The following TTC6 variants were observed in gnomAD, a reference collection of about 807,000 sequenced individuals.
The protein encoded by TTC6 is tetratricopeptide repeat protein 6.
A neutral mutation model predicts 210.4 loss-of-function variants in TTC6; 172 were observed. The observed-to-expected ratio is 0.82, with a 90% CI of 0.72 to 0.93. The LOEUF (loss-of-function observed/expected upper bound fraction) is 0.93, where lower values mean the gene tolerates loss of function less well. Ranked by LOEUF, TTC6 falls within the 40% of genes least tolerant of loss-of-function variation. The probability of loss-of-function intolerance (pLI) is 0.00; values close to 1 mark genes in which losing one functional copy is unlikely to be tolerated. For missense variants in TTC6, 2,414 were observed against 2,318.1 expected (o/e 1.04, Z -0.85); for synonymous variants, 804 against 819.6 (o/e 0.98, Z 0.32).
intron 5 of TTC6, among the ~76,000 whole-genome samples, chr14:37,714,068 G>A (rs2095848694): frequency 6.6e-6 from 1 of 152,098 alleles, no homozygotes; most frequent in Non-Finnish European, 1.5e-5. Context: ...CCAGTCTGTA[G>A]GTCAGTAATT....
intron 1 of TTC6, among the ~76,000 whole-genome samples, chr14:37,677,588 G>A (rs1221930184): frequency 6.6e-6 from 1 of 151,990 alleles, no homozygotes; most frequent in East Asian, 1.9e-4. Flanking sequence ...ATTGAACTTA[G>A]GGGGTTTGTA....
chr14:37,704,205 A>G (rs1403124628), intron 5 of TTC6, among the ~76,000 whole-genome samples: 1 of 152,068 alleles, frequency 6.6e-6, no homozygotes, highest in East Asian at 1.9e-4. Flanking sequence ...CAGCCTCCTG[A>G]GTAGCACTAG....
At chr14:37,610,568 A>G (rs979941870) in intron 2 of TTC6, among the ~76,000 whole-genome samples, 10 of 152,236 alleles carry the variant, frequency 6.6e-5, no homozygotes, top group African/African-American at 2.4e-4. Context: ...ATATTACACA[A>G]GAAAATGAAC....
intron 27 of TTC6, 99 bp from the exon 30 acceptor site, chr14:37,826,096 A>G: frequency 8.0e-7 from 1 of 1,257,126 alleles, no homozygotes; most frequent in Non-Finnish European, 1.1e-6. Flanking sequence ...TGGCATAAAT[A>G]TACCCTTACT....
At chr14:37,779,450 A>G (rs748954124) in intron 14 of TTC6, among the ~76,000 whole-genome samples, 9 of 152,042 alleles carry the variant, frequency 5.9e-5, no homozygotes, top group Non-Finnish European at 1.3e-4. Flanking sequence ...TAAAAATAGT[A>G]CTGCATTTTC....
intron 1 of TTC6, among the ~76,000 whole-genome samples, chr14:37,658,189 T>C (rs1025134262): frequency 6.6e-6 from 1 of 152,254 alleles, no homozygotes; most frequent in Non-Finnish European, 1.5e-5. Context: ...TTCTCACTTA[T>C]GAAATATTCT....
intron 1 of TTC6, among the ~76,000 whole-genome samples, chr14:37,667,908 G>A (rs1231605631): frequency 6.6e-6 from 1 of 150,446 alleles, no homozygotes; most frequent in Non-Finnish European, 1.5e-5. Context: ...GAGGCTGAGC[G>A]GGTGGATCAT....
intron 1 of TTC6, among the ~76,000 whole-genome samples, chr14:37,651,429 T>A (rs56111089): frequency 0.027 from 679 of 25,484 alleles, no homozygotes; most frequent in South Asian, 0.055. Context: ...ATATATATTT[T>A]TTTTTTTTTT....
At chr14:37,771,117 T>C (rs2096016929) in intron 14 of TTC6, among the ~76,000 whole-genome samples, 1 of 151,728 alleles carries the variant, frequency 6.6e-6, no homozygotes, top group African/African-American at 2.4e-5. Flanking sequence ...TCTTTAAGAA[T>C]GTTGAATATT....
Position 37,705,841 on chromosome 14 carries a change from T to G in TTC6, c.1571+4315T>G, listed in dbSNP as rs575308793. 2.8e-4 allele frequency among the ~76,000 whole-genome samples: 42 copies of G among 152,280 alleles called. 2 individuals carry two copies. The South Asian group carries it at 8.3e-3, about 30-fold the overall frequency. ...GAGGATTGATACCTAAATTGAAACC[T>G]GAAAGATGGATAGAAGATAGGAAGG... On this transcript the variant is annotated intron_variant, in intron 5 of 30. Transcript: ENST00000553443.
chr14:37,660,463 C>T (rs117035981), intron 1 of TTC6, among the ~76,000 whole-genome samples: 8,446 of 152,240 alleles, frequency 0.055, 361 homozygotes, highest in Non-Finnish European at 0.087. Flanking sequence ...CTTCCACTTA[C>T]AACTGAGAAT....
Position 37,669,595 on chromosome 14 carries a change from C to CA in TTC6, c.940-10554dup, listed in dbSNP as rs200030160. Among the ~76,000 whole-genome samples, 546 of 152,238 alleles carry CA rather than the reference C, an allele frequency of 3.6e-3. 4 individuals are homozygous for CA. Among genetic ancestry groups the CA allele is most frequent in the African/African-American group, 0.013 (525 of 41,554 alleles). On this transcript the variant is annotated intron_variant, in intron 1 of 30. Transcript: ENST00000553443. ...GTATTATTGTTATTTATCTACACAT[C>CA]AATATATATGTTCATCTAGGCTGTG...
chr14:37,704,199 C>T (rs2095830935), intron 5 of TTC6, among the ~76,000 whole-genome samples: 1 of 152,102 alleles, frequency 6.6e-6, no homozygotes, highest in South Asian at 2.1e-4. Flanking sequence ...CCACTTCAGC[C>T]TCCTGAGTAG....
At chr14:37,736,836 C>T (rs1176033704) in intron 8 of TTC6, among the ~76,000 whole-genome samples, 1 of 152,092 alleles carries the variant, frequency 6.6e-6, no homozygotes, top group African/African-American at 2.4e-5. Context: ...CTTACTGCAG[C>T]CTGGACCTCC....
chr14:37,681,637 C>T (rs1453733648), intron 2 of TTC6, among the ~76,000 whole-genome samples: 2 of 152,052 alleles, frequency 1.3e-5, no homozygotes, highest in Admixed American at 6.6e-5. Flanking sequence ...TCCATCCCCC[C>T]TGCCCTCAGA....
At chr14:37,668,043 G>A (rs1000103445) in intron 1 of TTC6, among the ~76,000 whole-genome samples, 5 of 149,994 alleles carry the variant, frequency 3.3e-5, no homozygotes, top group African/African-American at 1.2e-4. Context: ...GCTGAGGCAG[G>A]AGAATCGCTT....
chr14:37,806,900 T>A (rs984490297), intron 22 of TTC6, among the ~76,000 whole-genome samples: 1 of 152,216 alleles, frequency 6.6e-6, no homozygotes, highest in Admixed American at 6.5e-5. Context: ...TAGGAATCTG[T>A]GAAATTTGAA....
At chr14:37,817,716 C>T in intron 26 of TTC6, 65 bp downstream of exon 28, 1 of 1,467,052 alleles carries the variant, frequency 6.8e-7, no homozygotes, top group Non-Finnish European at 9.5e-7. Flanking sequence ...TAATTATCAC[C>T]CCATAAACAA....
In TTC6 at chr14:37,688,674, C is replaced by G. The variant is rs1454840232; in HGVS notation, c.1257+5710C>G. ...GAACAAGAGTTTCTGCCTAGTAATT[C>G]AGATAATTCTTCCAGATCTTGTTCA... On this transcript the variant is annotated intron_variant, in intron 3 of 30. Transcript: ENST00000553443. 2.6e-5 allele frequency among the ~76,000 whole-genome samples: 4 copies of G among 152,136 alleles called. 1 individual carries two copies. The highest frequency in any genetic ancestry group is 4.4e-5 in the Non-Finnish European group (3 of 68,020).
Sources: allele counts gnomAD v4.1 joint callset (sites outside exome capture counted in the v4.1 genomes callset), GRCh38; gene constraint gnomAD v4.1.1; transcripts MANE v1.5; gene names NCBI Gene and HGNC (gene_info 2026-07-23, HGNC 2026-07-21).